Variants in MDN1 observed in about 807,000 individuals in gnomAD.
MDN1 encodes midasin.
Under a neutral mutation model 669.2 loss-of-function variants are expected in MDN1, and 266 were observed. The ratio of observed to expected loss-of-function variants is 0.40; its 90% confidence interval spans 0.36 to 0.44. The LOEUF (loss-of-function observed/expected upper bound fraction) is 0.44. MDN1 is among the 20% of genes least tolerant of loss of function. MDN1 has a pLI of 1.00. For synonymous variants in MDN1, 2,385 were observed against 2,457.1 expected (o/e 0.97, Z 0.87); for missense variants, 5,940 against 6,754.0 (o/e 0.88, Z 4.22).
At position 89,702,012 on chromosome 6, in the gene MDN1, G is replaced by A. The variant is rs200819138; in HGVS notation, c.8198C>T (p.Thr2733Ile). The A allele has an allele frequency of 6.2e-7, 1 of 1,613,840 alleles. No individual in the cohort carries two copies. Among genetic ancestry groups the A allele is most frequent in the Non-Finnish European group, 8.5e-7 (1 of 1,179,754 alleles). Reference protein sequence around the residue: ...WRDRFWTVADTVKVDAPGLAL... With the variant: ...WRDRFWTVADIVKVDAPGLAL... ...CAGACCTGGGGCATCTACTTTTACTGTGTCGGCCACAGTCCAGAACCGGTC... is the reference window on the plus strand; with the variant it reads ...CAGACCTGGGGCATCTACTTTTACTATGTCGGCCACAGTCCAGAACCGGTC... Residue 2733 changes from threonine (T) to isoleucine (I), a missense_variant, in exon 54 of 102, where the codon ACA becomes ATA. By Grantham distance (89) the Thr-to-Ile change is moderately conservative. This residue lies in a region of MDN1 where 2,292 missense variants were observed against 2,638.3 expected (regional missense o/e 0.87). Coordinates refer to ENST00000369393, the MANE Select transcript of MDN1 (RefSeq NM_014611.3).
intron 40 of MDN1, among the ~76,000 whole-genome samples, chr6:89,720,543 A>C (rs1039238873): frequency 3.3e-5 from 5 of 152,184 alleles, no homozygotes; most frequent in Admixed American, 2.0e-4. Flanking sequence ...CCCCGCTAGA[A>C]AACACCTATA....
At chr6:89,678,557 G>T in intron 75 of MDN1, 42 bp downstream of exon 75, 2 of 1,599,786 alleles carry the variant, frequency 1.3e-6, no homozygotes, top group Non-Finnish European at 1.7e-6. Context: ...CTCCCTAAAA[G>T]TTGGTGACTA....
At position 89,745,134 on chromosome 6, in the gene MDN1, T is replaced by TAAAAAAAAA. The variant is rs60588845; in HGVS notation, c.4178+130_4178+138dup. 200 of 282,946 alleles carry TAAAAAAAAA rather than the reference T, an allele frequency of 7.1e-4. 1 individual carries two copies. Among genetic ancestry groups the TAAAAAAAAA allele is most frequent in the Admixed American group, 2.6e-3 (21 of 7,950 alleles). The allele number at this position is 282,946 out of a possible 1,614,324, so 17.5% of individuals were successfully genotyped here. A position where few individuals can be genotyped will look rare whatever the true frequency, so the allele number is the denominator to read the frequency against. On this transcript the variant is annotated intron_variant, in intron 29 of 101. Transcript: ENST00000369393. Reference sequence around the variant, plus strand: ...CCCCGACCCACTCTTAGTCTCTTCTTAAAAAAAAAAAAAAAAAAGAAAAAA... The same window carrying TAAAAAAAAA: ...CCCCGACCCACTCTTAGTCTCTTCTTAAAAAAAAAAAAAAAAAAAAAAAAAAAGAAAAAA...
intron 9 of MDN1, among the ~76,000 whole-genome samples, chr6:89,784,529 T>A (rs1818854199): frequency 6.6e-6 from 1 of 152,092 alleles, no homozygotes; most frequent in Non-Finnish European, 1.5e-5. Context: ...CGGAGTCAAG[T>A]GTAATATACT....
chr6:89,696,349 C>A lies in MDN1; in HGVS notation c.9383+11G>T, dbSNP rs752121374. 1 of 1,612,838 alleles carries A rather than the reference C, an allele frequency of 6.2e-7. No homozygotes were observed. Among genetic ancestry groups the A allele is most frequent in the South Asian group, 1.1e-5 (1 of 90,898 alleles). On this transcript the variant is annotated intron_variant, in intron 60 of 101. Transcript: ENST00000369393. ...GGAACTTTACAGTCTGCTTCCAGGG[C>A]GAGGGAATACCTGAATTCTGCTACT...
chr6:89,690,785 G>C lies in MDN1; in HGVS notation c.10637C>G (p.Ala3546Gly). 1 of 1,614,090 alleles carries C rather than the reference G, an allele frequency of 6.2e-7. No homozygotes were observed. Among genetic ancestry groups the C allele is most frequent in the East Asian group, 2.2e-5 (1 of 44,872 alleles). ...TCTATACAGGCCGCTTTCCTGCTCA[G>C]CCTTCTCTTGGGCTATGCGTTCCTG... ...DEQERIAQEK[A>G]EQESGLYRYR... The change falls in exon 64 of 102, where the codon GCT becomes GGT. Residue 3546 changes from alanine to glycine, a missense_variant. Transcript: ENST00000369393.
chr6:89,806,912 T>C (rs1768062097), intron 1 of MDN1, among the ~76,000 whole-genome samples: 1 of 151,952 alleles, frequency 6.6e-6, no homozygotes, highest in Admixed American at 6.6e-5. Flanking sequence ...AGAATGAGAC[T>C]CTCTTAAAAA....
intron 84 of MDN1, among the ~76,000 whole-genome samples, chr6:89,667,594 C>G (rs1483087157): frequency 1.3e-5 from 2 of 152,124 alleles, no homozygotes; most frequent in Non-Finnish European, 2.9e-5. Context: ...AAAAAGGATA[C>G]AGATTTTTTA....
rs1177371941 is a variant in MDN1, at chr6:89,696,496, A to G, written c.9247T>C (p.Trp3083Arg). 5.0e-6 allele frequency: 8 copies of G among 1,614,248 alleles called. No homozygotes were observed. The highest frequency in any genetic ancestry group is 6.8e-6 in the Non-Finnish European group (8 of 1,180,040). The change falls in exon 60 of 102, where the codon TGG becomes CGG. Residue 3083 changes from tryptophan to arginine, a missense_variant. Trp to Arg is a moderately radical substitution (Grantham distance 101). Transcript: ENST00000369393. ...VLTSSWRASPWDVSGLPILSS... is the reference protein window; with the variant it reads ...VLTSSWRASPRDVSGLPILSS... ...AGAATGGGGAGGCCACTCACATCCC[A>G]GGGACTTGCTCTCCAGCTGCTGGTT... is the stretch of plus-strand genomic sequence containing the variant.
intron 1 of MDN1, among the ~76,000 whole-genome samples, chr6:89,810,728 T>C (rs188877327): frequency 7.2e-5 from 11 of 152,264 alleles, no homozygotes; most frequent in Admixed American, 7.2e-4. Flanking sequence ...CTGGGTGTGG[T>C]GGCTCACGGC....
In MDN1 at chr6:89,653,098, G is replaced by A. The variant is rs757054737; in HGVS notation, c.15719C>T (p.Pro5240Leu). Residue 5240 changes from proline to leucine, a missense_variant, in exon 94 of 102, where the codon CCC becomes CTC. Physicochemically the swap from Pro to Leu is moderately conservative, Grantham distance 98. Transcript: ENST00000369393. ...CTCCTTATGGGCTTTGTCTGTTCTG[G>A]GGTCTTGGTCTTCCTCTGTTTTAAC... ...QTVKTEEDQD[P>L]RTDKAHKETE... The A allele has an allele frequency of 2.5e-6, 4 of 1,613,996 alleles. No homozygotes were observed. Among genetic ancestry groups the A allele is most frequent in the South Asian group, 2.2e-5 (2 of 91,076 alleles).
chr6:89,756,376 T>G lies in MDN1; in HGVS notation c.2717A>C (p.Tyr906Ser). ...PGIRNRFTEL[Y>S]VEELESKEDL... ...TTCTTTGCTTTCTAATTCTTCTACA[T>G]AAAGTTCTGTGAACCTGTAAAACAA... Residue 906 changes from tyrosine to serine, a missense_variant, in exon 20 of 102, where the codon TAT becomes TCT. Physicochemically the swap from Tyr to Ser is moderately radical, Grantham distance 144. This residue lies in a region of MDN1 where 1,203 missense variants were observed against 1,268.9 expected (regional missense o/e 0.95). Transcript: ENST00000369393. 1 of 1,557,084 alleles carries G rather than the reference T, an allele frequency of 6.4e-7. No homozygotes were observed. Among genetic ancestry groups the G allele is most frequent in the Non-Finnish European group, 8.8e-7 (1 of 1,137,342 alleles).
chr6:89,758,295 C>A lies in MDN1; in HGVS notation c.2662G>T (p.Asp888Tyr). ...RLFACMNPATDVGKRNLPPGI... is the reference protein window; with the variant it reads ...RLFACMNPATYVGKRNLPPGI... ...GGTGGGAGATTTCTTTTGCCTACAT[C>A]AGTTGCTGGATTCATACAGGCAAAT... The change falls in exon 19 of 102, where the codon GAT becomes TAT. Residue 888 changes from aspartate to tyrosine, a missense_variant. Asp to Tyr is a radical substitution (Grantham distance 160, BLOSUM62 -3). This residue lies in a region of MDN1 where 1,203 missense variants were observed against 1,268.9 expected (regional missense o/e 0.95). Coordinates refer to ENST00000369393, the MANE Select transcript of MDN1 (RefSeq NM_014611.3). The A allele has an allele frequency of 6.2e-7, 1 of 1,612,400 alleles. No individual in the cohort carries two copies. The highest frequency in any genetic ancestry group is 8.5e-7 in the Non-Finnish European group (1 of 1,179,188).
In MDN1 at chr6:89,781,527, T is replaced by G; in HGVS notation, c.1515A>C (p.Gln505His). The change falls in exon 10 of 102, where the codon CAA (glutamine) becomes CAC (histidine). Residue 505 changes from glutamine (Q) to histidine (H), a missense_variant. Physicochemically the swap from Gln to His is conservative, Grantham distance 24. This residue lies in a region of MDN1 where 1,203 missense variants were observed against 1,268.9 expected (regional missense o/e 0.95). Coordinates refer to ENST00000369393, the MANE Select transcript of MDN1 (RefSeq NM_014611.3). Reference protein sequence around the residue: ...VVDHLLDIYIQLTGEKHHSWS... With the variant: ...VVDHLLDIYIHLTGEKHHSWS... ...AAGAGTGATGTTTCTCTCCAGTAAGTTGGATATAAATGTCAAGCAGGTGAT... is the reference window on the plus strand; with the variant it reads ...AAGAGTGATGTTTCTCTCCAGTAAGGTGGATATAAATGTCAAGCAGGTGAT... 1 of 1,613,720 alleles carries G rather than the reference T, an allele frequency of 6.2e-7. No individual in the cohort carries two copies. The highest frequency in any genetic ancestry group is 1.1e-5 in the South Asian group (1 of 91,056).
intron 56 of MDN1, 92 bp downstream of exon 56, chr6:89,700,554 G>A: frequency 7.4e-7 from 1 of 1,343,338 alleles, no homozygotes. Context: ...ACATCACCCA[G>A]AAAAGAAAAA....
intron 1 of MDN1, among the ~76,000 whole-genome samples, chr6:89,811,388 G>C (rs1298456538): frequency 1.3e-5 from 2 of 151,758 alleles, no homozygotes; most frequent in African/African-American, 4.8e-5. Flanking sequence ...CAGCTGGCTT[G>C]CTATTGTAGG....
At chr6:89,759,800 A>G (rs527938613) in intron 17 of MDN1, among the ~76,000 whole-genome samples, 2 of 149,430 alleles carry the variant, frequency 1.3e-5, no homozygotes, top group Non-Finnish European at 3.0e-5. Context: ...GGCCCGGGGC[A>G]ATGGCTCATG....
At chr6:89,764,761 T>TG (rs1817718669) in intron 15 of MDN1, among the ~76,000 whole-genome samples, 1 of 152,096 alleles carries the variant, frequency 6.6e-6, no homozygotes, top group African/African-American at 2.4e-5. Flanking sequence ...AAGAAAGTGG[T>TG]TGGAGCTCAG....
chr6:89,645,625 C>T (rs1178105009), intron 100 of MDN1, among the ~76,000 whole-genome samples: 2 of 152,138 alleles, frequency 1.3e-5, no homozygotes, highest in Non-Finnish European at 2.9e-5. Context: ...TCTGTTAATT[C>T]CTTGTACCTA....
Sources: allele counts gnomAD v4.1 joint callset (sites outside exome capture counted in the v4.1 genomes callset), GRCh38; gene constraint gnomAD v4.1.1; regional missense constraint gnomAD v4.1.1; transcripts MANE v1.5; gene names NCBI Gene and HGNC (gene_info 2026-07-23, HGNC 2026-07-21).